CDKAL1: variants seen among roughly 807,000 people sequenced by gnomAD.
CDKAL1 encodes the protein CDKAL1 threonylcarbamoyladenosine tRNA methylthiotransferase, also known as threonylcarbamoyladenosine tRNA methylthiotransferase.
Under a neutral mutation model 68.2 loss-of-function variants are expected in CDKAL1, and 32 were observed. The ratio of observed to expected loss-of-function variants is 0.47; its 90% CI spans 0.35 to 0.63. The LOEUF (loss-of-function observed/expected upper bound fraction) is 0.63. Among genes scored for constraint, CDKAL1 ranks in the 30% least tolerant of loss-of-function variants. The pLI, the probability that CDKAL1 is intolerant of heterozygous loss-of-function variation, is 0.00. For missense variants in CDKAL1, 606 were observed against 696.7 expected (o/e 0.87, Z 1.47); for synonymous variants, 234 against 244.3 (o/e 0.96, Z 0.39).
Position 20,955,581 on chromosome 6 carries a change from T to C in CDKAL1, c.905T>C (p.Leu302Pro). ...AATCCGCCCTATATTTTAGAGCATC[T>C]GGAGGTAAGGAAAAGCACCCTATTT... ...MTNPPYILEH[L>P]EEMAKILNHP... is the part of the protein sequence containing the mutation. Residue 302 changes from leucine (L) to proline (P), a missense_variant, in exon 10 of 16, where the codon CTG (leucine) becomes CCG (proline). By Grantham distance (98) the Leu-to-Pro change is moderately conservative. Transcript: ENST00000274695. 6.2e-7 allele frequency: 1 copy of C among 1,613,964 alleles called. No individual in the cohort carries two copies. The highest frequency in any genetic ancestry group is 1.1e-5 in the South Asian group (1 of 91,052).
At chr6:21,160,671 G>GTGTGTC (rs1562082032) in intron 13 of CDKAL1, among the ~76,000 whole-genome samples, 55 of 135,168 alleles carry the variant, frequency 4.1e-4, no homozygotes, top group African/African-American at 1.0e-3. Flanking sequence ...GTGTGTGTGT[G>GTGTGTC]TGTGTGTCTG....
At chr6:20,794,773 A>T (rs1261230228) in intron 8 of CDKAL1, among the ~76,000 whole-genome samples, 1 of 152,138 alleles carries the variant, frequency 6.6e-6, no homozygotes, top group Non-Finnish European at 1.5e-5. Context: ...TGACAAACAG[A>T]GGTTACTCTC....
At chr6:20,686,597 A>C (rs1208159323) in intron 5 of CDKAL1, among the ~76,000 whole-genome samples, 1 of 152,220 alleles carries the variant, frequency 6.6e-6, no homozygotes, top group African/African-American at 2.4e-5. Context: ...AATAATAGAA[A>C]TAAAGTGCAC....
chr6:20,633,604 T>C (rs941707462), intron 4 of CDKAL1, among the ~76,000 whole-genome samples: 8 of 152,204 alleles, frequency 5.3e-5, no homozygotes, highest in African/African-American at 1.9e-4. Context: ...TTTGAGGAAT[T>C]GCCAGATTAT....
intron 5 of CDKAL1, among the ~76,000 whole-genome samples, chr6:20,674,435 G>GT (rs1481345579): frequency 1.3e-5 from 2 of 152,036 alleles, no homozygotes; most frequent in South Asian, 2.1e-4. Context: ...TTTTTTTAGA[G>GT]TTTTTTCTTT....
At chr6:21,089,905 G>A (rs553173956) in intron 12 of CDKAL1, among the ~76,000 whole-genome samples, 1 of 152,346 alleles carries the variant, frequency 6.6e-6, no homozygotes, top group East Asian at 1.9e-4. Flanking sequence ...TATTGGGAAT[G>A]CATAGCTACA....
At chr6:21,160,487 G>A (rs1275192704) in intron 13 of CDKAL1, among the ~76,000 whole-genome samples, 8 of 150,702 alleles carry the variant, frequency 5.3e-5, no homozygotes, top group East Asian at 2.0e-4. Context: ...TAGTAGAGAC[G>A]GGGTTTCACC....
intron 8 of CDKAL1, chr6:20,800,834 G>A (rs188767776): frequency 2.1e-4 from 32 of 152,668 alleles, no homozygotes; most frequent in African/African-American, 7.5e-4. Flanking sequence ...GCTTGGTCTT[G>A]AACTCCTGGG....
At chr6:21,052,033 CATT>C (rs562584536) in intron 11 of CDKAL1, among the ~76,000 whole-genome samples, 14 of 152,296 alleles carry the variant, frequency 9.2e-5, no homozygotes, top group Non-Finnish European at 1.6e-4. Context: ...CTTAGTCACT[CATT>C]ATGGCTTTTC....
chr6:20,617,289 G>T (rs2065), intron 4 of CDKAL1, among the ~76,000 whole-genome samples: 13,238 of 152,034 alleles, frequency 0.087, 665 homozygotes, highest in African/African-American at 0.096. Context: ...TTTCCTAGGG[G>T]GCCACTTAAT....
intron 9 of CDKAL1, among the ~76,000 whole-genome samples, chr6:20,848,282 T>TTTTTGGTTTTTTG (rs748895788): frequency 9.0e-6 from 1 of 111,250 alleles, no homozygotes; most frequent in Admixed American, 9.7e-5. Context: ...GAAAGTTGTT[T>TTTTTGGTTTTTTG]TTTTTTTTTT....
At chr6:20,939,503 T>G (rs6939250) in intron 9 of CDKAL1, among the ~76,000 whole-genome samples, 1 of 152,164 alleles carries the variant, frequency 6.6e-6, no homozygotes, top group African/African-American at 2.4e-5. Context: ...TAGAAGAGAT[T>G]TGGCAGACTT....
chr6:20,752,826 A>G (rs1048687862), intron 6 of CDKAL1, among the ~76,000 whole-genome samples: 1 of 152,142 alleles, frequency 6.6e-6, no homozygotes, highest in Non-Finnish European at 1.5e-5. Context: ...GATATTGCCA[A>G]TTGTTTCAAT....
At chr6:20,732,263 CT>C (rs56911987) in intron 5 of CDKAL1, among the ~76,000 whole-genome samples, 9,779 of 83,312 alleles carry the variant, frequency 0.12, 175 homozygotes, top group African/African-American at 0.2. Context: ...TTCTTTCTTT[CT>C]TTTTTTTTTT....
At chr6:20,787,644 T>A (rs557509199) in intron 8 of CDKAL1, among the ~76,000 whole-genome samples, 1 of 152,170 alleles carries the variant, frequency 6.6e-6, no homozygotes, top group African/African-American at 2.4e-5. Flanking sequence ...AGATAATACA[T>A]CCTCAGGCAA....
At chr6:21,028,619 C>T (rs1769091414) in intron 11 of CDKAL1, among the ~76,000 whole-genome samples, 1 of 152,144 alleles carries the variant, frequency 6.6e-6, no homozygotes, top group African/African-American at 2.4e-5. Context: ...CCCTTAAGAC[C>T]TCATTTAACC....
At chr6:20,941,120 A>C (rs895207114) in intron 9 of CDKAL1, among the ~76,000 whole-genome samples, 3 of 148,814 alleles carry the variant, frequency 2.0e-5, no homozygotes, top group South Asian at 4.4e-4. Context: ...AGCACATCTT[A>C]GTTCAAACCA....
chr6:20,561,794 T>C (rs1764278632), intron 4 of CDKAL1, among the ~76,000 whole-genome samples: 1 of 152,196 alleles, frequency 6.6e-6, no homozygotes, highest in Non-Finnish European at 1.5e-5. Context: ...CTTTTTATCT[T>C]TAAGTTAGAA....
intron 9 of CDKAL1, among the ~76,000 whole-genome samples, chr6:20,929,863 A>C (rs1159768390): frequency 6.6e-6 from 1 of 152,196 alleles, no homozygotes; most frequent in African/African-American, 2.4e-5. Flanking sequence ...AATACAAGGA[A>C]AAAAGGCTCA....
Sources: gnomAD v4.1 joint callset for allele counts (sites outside exome capture counted in the v4.1 genomes callset) on GRCh38, gnomAD v4.1.1 for gene constraint, MANE v1.5 for transcripts, NCBI Gene and HGNC (gene_info 2026-07-23, HGNC 2026-07-21) for gene names.